Variants in STX10 observed in about 807,000 individuals in gnomAD.
The protein encoded by STX10 is syntaxin 10.
A neutral mutation model predicts 34.1 loss-of-function variants in STX10; 35 were observed. The observed-to-expected ratio is 1.03, with a 90% CI of 0.78 to 1.36. The LOEUF is 1.36. Ranked by LOEUF, STX10 falls within the 40% of genes most tolerant of loss-of-function variation. The pLI is 0.00. For synonymous variants in STX10, 155 were observed against 132.9 expected, an observed-to-expected ratio of 1.17 and a Z score of -1.15; for missense variants, 361 against 335.5, an observed-to-expected ratio of 1.08 and a Z score of -0.59.
intron 4 of STX10, 99 bp downstream of exon 4, chr19:13,148,930 C>A: frequency 1.1e-6 from 1 of 948,842 alleles, no homozygotes. Context: ...ACAGAGAGGA[C>A]GGGCACTGTC....
chr19:13,146,970 C>T (rs926425691), intron 4 of STX10, among the ~76,000 whole-genome samples: 6 of 149,256 alleles, frequency 4.0e-5, no homozygotes, highest in East Asian at 2.0e-4. Context: ...ACCCCACGTA[C>T]GCTTATGAGG....
rs1335491347 is a variant in STX10 at position 13,149,523 on chromosome 19, C to T, written c.276G>A (p.Val92=). 2 of 1,614,008 alleles carry T rather than the reference C, an allele frequency of 1.2e-6. No individual in the cohort carries two copies. The highest frequency in any genetic ancestry group is 1.3e-5 in the African/African-American group (1 of 74,896). Residue 92 remains valine, a synonymous_variant, in exon 3 of 8, where the codon GTG becomes GTA. Coordinates refer to ENST00000587230, the MANE Select transcript of STX10 (RefSeq NM_003765.3). The part of the protein sequence containing the change: ...AGDLQERKVF[V]ERMREAVQEM... ...CCTGGACTGCCTCTCGCATCCGCTC[C>T]ACGAACACCTTTCTCTCCTGCAGGT...
chr19:13,144,886 G>A lies in STX10; in HGVS notation c.472-16C>T, dbSNP rs200809285. ...CCATGATCAGCTGCAGAGCGAAGGGGTGGGAGATGCTGTTGAAAACGACCC... is the reference window on the plus strand; with the variant it reads ...CCATGATCAGCTGCAGAGCGAAGGGATGGGAGATGCTGTTGAAAACGACCC... On this transcript the variant is annotated splice_polypyrimidine_tract_variant and intron_variant, in intron 5 of 7. Coordinates refer to ENST00000587230, the MANE Select transcript of STX10 (RefSeq NM_003765.3). The A allele has an allele frequency of 2.5e-6, 4 of 1,605,720 alleles. No homozygotes were observed. The highest frequency in any genetic ancestry group is 3.4e-6 in the Non-Finnish European group (4 of 1,176,484).
At chr19:13,149,963 A>C (rs2020021905) in intron 1 of STX10, 66 bp from the exon 2 acceptor site, 1 of 1,517,386 alleles carries the variant, frequency 6.6e-7, no homozygotes, top group East Asian at 2.5e-5. Flanking sequence ...TCTGCCCCCG[A>C]CTGCAAACCC....
In STX10 at chr19:13,149,876, G is replaced by T. The variant is rs201839194; in HGVS notation, c.57C>A (p.Asn19Lys). Reference protein sequence around the residue: ...VVRGEVQKAVNTARGLYQRWC... With the variant: ...VVRGEVQKAVKTARGLYQRWC... ...AGCGCTGGTACAGCCCGCGGGCCGT[G>T]TTCACCGCCTTCTGCACCTCGCTGC... The change falls in exon 2 of 8, where the codon AAC (asparagine) becomes AAA (lysine). Residue 19 changes from asparagine to lysine, a missense_variant. Coordinates refer to ENST00000587230, the MANE Select transcript of STX10 (RefSeq NM_003765.3). 1.0e-5 allele frequency: 16 copies of T among 1,606,460 alleles called. No homozygotes were observed. The African/African-American group carries it at 2.1e-4, about 21-fold the overall frequency.
Position 13,144,632 on chromosome 19 carries a change from C to G in STX10, c.618G>C (p.Gln206His). 6.2e-7 allele frequency: 1 copy of G among 1,614,166 alleles called. No individual in the cohort carries two copies. Among genetic ancestry groups the G allele is most frequent in the Non-Finnish European group, 8.5e-7 (1 of 1,180,024 alleles). Residue 206 changes from glutamine (Q) to histidine (H), a missense_variant, in exon 7 of 8, where the codon CAG becomes CAC. By Grantham distance (24) the Gln-to-His change is conservative. Coordinates refer to ENST00000587230, the MANE Select transcript of STX10 (RefSeq NM_003765.3). ...DAFAQEMDHT[Q>H]SRMDGVLRKL... The stretch of plus-strand genomic sequence containing the variant: ...TCCTGAGGACCCCGTCCATGCGGGA[C>G]TGGGTGTGGTCCATCTCTTGGGCGA...
Position 13,144,324 on chromosome 19 carries a change from C to A in STX10, c.*86G>T. ...TACTCTCCAGCTACCCAGGAGGGAC[C>A]CTCTCCTCCTAGGGGGCGAGGCCAG... On this transcript the variant is annotated 3_prime_UTR_variant, in exon 8 of 8. Coordinates refer to ENST00000587230, the MANE Select transcript of STX10 (RefSeq NM_003765.3). 1 of 1,524,614 alleles carries A rather than the reference C, an allele frequency of 6.6e-7. No homozygotes were observed. Among genetic ancestry groups the A allele is most frequent in the Non-Finnish European group, 8.9e-7 (1 of 1,126,366 alleles). 94.4% of individuals were successfully genotyped at this position (1,524,614 alleles called of 1,614,324 possible).
At chr19:13,148,079 A>G (rs545408479) in intron 4 of STX10, among the ~76,000 whole-genome samples, 115 of 150,732 alleles carry the variant, frequency 7.6e-4, no homozygotes, top group Non-Finnish European at 1.5e-3. Context: ...AAAAAAAAAA[A>G]AAAAAAAAAG....
rs749757580 is a variant in STX10 at position 13,149,865 on chromosome 19, C to T, written c.68G>A (p.Gly23Glu). The T allele has an allele frequency of 2.5e-6, 4 of 1,609,788 alleles. No homozygotes were observed. In the South Asian group the frequency reaches 3.3e-5, roughly 13 times the overall value. ...GAGCTCGCACCAGCGCTGGTACAGCCCGCGGGCCGTGTTCACCGCCTTCTG... is the reference window on the plus strand; with the variant it reads ...GAGCTCGCACCAGCGCTGGTACAGCTCGCGGGCCGTGTTCACCGCCTTCTG... ...EVQKAVNTARGLYQRWCELLQ... is the reference protein window; with the variant it reads ...EVQKAVNTARELYQRWCELLQ... Residue 23 changes from glycine (G) to glutamate (E), a missense_variant, in exon 2 of 8, where the codon GGG (glycine) becomes GAG (glutamate). Gly to Glu is a moderately conservative substitution (Grantham distance 98). Transcript: ENST00000587230.
In STX10 at chr19:13,149,851, A is replaced by C. The variant is rs756398369; in HGVS notation, c.82T>G (p.Trp28Gly). The C allele has an allele frequency of 6.2e-7, 1 of 1,612,572 alleles. No homozygotes were observed. The highest frequency in any genetic ancestry group is 8.5e-7 in the Non-Finnish European group (1 of 1,179,686). The stretch of plus-strand genomic sequence containing the variant: ...GCGCTTTCCTGCAGGAGCTCGCACC[A>C]GCGCTGGTACAGCCCGCGGGCCGTG... ...VNTARGLYQR[W>G]CELLQESAAV... The change falls in exon 2 of 8, where the codon TGG becomes GGG. Residue 28 changes from tryptophan to glycine, a missense_variant. Coordinates refer to ENST00000587230, the MANE Select transcript of STX10 (RefSeq NM_003765.3).
chr19:13,149,781 C>A lies in STX10; in HGVS notation c.152G>T (p.Arg51Leu). 6.2e-7 allele frequency: 1 copy of A among 1,614,152 alleles called. No individual in the cohort carries two copies. Among genetic ancestry groups the A allele is most frequent in the African/African-American group, 1.3e-5 (1 of 75,076 alleles). ...CCACTCGATGCTGCGCAGGCCATTC[C>A]GCAGCTCATTGGTCGTCCAGTCCAG... ...EELDWTTNEL[R>L]NGLRSIEWDL... Residue 51 changes from arginine to leucine, a missense_variant, in exon 2 of 8, where the codon CGG (arginine) becomes CTG (leucine). By Grantham distance (102) the Arg-to-Leu change is moderately radical. Coordinates refer to ENST00000587230, the MANE Select transcript of STX10 (RefSeq NM_003765.3).
chr19:13,149,140 G>C, intron 3 of STX10, 49 bp from the exon 4 acceptor site: 2 of 1,506,226 alleles, frequency 1.3e-6, no homozygotes, highest in Admixed American at 1.9e-5. Flanking sequence ...GGCTGGGCGC[G>C]GTGGCTCACG....
rs750064241 is a variant in STX10 at position 13,149,720 on chromosome 19, C to T, written c.205+8G>A. 8 of 1,612,812 alleles carry T rather than the reference C, an allele frequency of 5.0e-6. No homozygotes were observed. Among genetic ancestry groups the T allele is most frequent in the Admixed American group, 1.7e-5 (1 of 60,006 alleles). Reference sequence around the variant, plus strand: ...CATGCCACCCTCTGCCACAAAGCCCCAGGATATCGATGGTCTCTTCCAGGT... The same window carrying T: ...CATGCCACCCTCTGCCACAAAGCCCTAGGATATCGATGGTCTCTTCCAGGT... On this transcript the variant is annotated splice_region_variant and intron_variant, in intron 2 of 7. Transcript: ENST00000587230.
In STX10 at chr19:13,149,707, T is replaced by C. The variant is rs887048917; in HGVS notation, c.205+21A>G. ...CAATGGGCTCTCCCATGCCACCCTC[T>C]GCCACAAAGCCCCAGGATATCGATG... On this transcript the variant is annotated intron_variant, in intron 2 of 7. Coordinates refer to ENST00000587230, the MANE Select transcript of STX10 (RefSeq NM_003765.3). The C allele has an allele frequency of 3.1e-6, 5 of 1,610,654 alleles. No individual in the cohort carries two copies. The African/African-American group carries it at 6.7e-5, about 22-fold the overall frequency.
In STX10 at chr19:13,149,024, C is replaced by CG; in HGVS notation, c.363+4_363+5insC. On this transcript the variant is annotated splice_donor_region_variant and intron_variant, in intron 4 of 7. Transcript: ENST00000587230. ...AGGTGGGCAGGGTGGGTCAGGAAGG[C>CG]TTACCTCTCTGTTATTCCTCTCCAA... The CG allele has an allele frequency of 6.2e-7, 1 of 1,600,048 alleles. No individual in the cohort carries two copies. Among genetic ancestry groups the CG allele is most frequent in the Non-Finnish European group, 8.5e-7 (1 of 1,173,032 alleles).
At chr19:13,146,672 C>T (rs556105803) in intron 4 of STX10, among the ~76,000 whole-genome samples, 1 of 152,100 alleles carries the variant, frequency 6.6e-6, no homozygotes, top group African/African-American at 2.4e-5. Flanking sequence ...TCCCAAGTAT[C>T]TGAGATTACA....
Position 13,150,177 on chromosome 19 carries a change from A to T in STX10, c.-4T>A. 9.2e-7 allele frequency: 1 copy of T among 1,084,574 alleles called. No homozygotes were observed. The highest frequency in any genetic ancestry group is 1.4e-6 in the Non-Finnish European group (1 of 712,500). 67.2% of individuals were successfully genotyped at this position (1,084,574 alleles called of 1,614,324 possible). On this transcript the variant is annotated 5_prime_UTR_variant, in exon 1 of 8. Coordinates refer to ENST00000587230, the MANE Select transcript of STX10 (RefSeq NM_003765.3). This position sits in a 1 kb window ranked among gnomAD's most constrained non-coding sequence, Gnocchi z 4.0. ...AAAAGGGGTCTTCGAGAGACATGTC[A>T]GTCCCTTCCCCCCCAGGCCGAACCC...
intron 4 of STX10, among the ~76,000 whole-genome samples, chr19:13,147,085 C>A (rs1456927106): frequency 4.0e-5 from 6 of 149,824 alleles, no homozygotes; most frequent in Admixed American, 6.7e-5. Flanking sequence ...CAGAAACACA[C>A]ACACACACAC....
At chr19:13,147,079 A>AACACACACACACACACACACAC (rs55785762) in intron 4 of STX10, among the ~76,000 whole-genome samples, 29 of 145,142 alleles carry the variant, frequency 2.0e-4, no homozygotes, top group Non-Finnish European at 3.9e-4. Flanking sequence ...GAAACACAGA[A>AACACACACACACACACACACAC]ACACACACAC....
Sources: gnomAD v4.1 joint callset for allele counts (sites outside exome capture counted in the v4.1 genomes callset) on GRCh38, gnomAD v4.1.1 for gene constraint, Gnocchi (gnomAD v3.1) non-coding constraint, MANE v1.5 for transcripts, NCBI Gene and HGNC (gene_info 2026-07-23, HGNC 2026-07-21) for gene names.